MTUS2: variants seen among roughly 807,000 people sequenced by gnomAD.
MTUS2 encodes the protein microtubule-associated tumor suppressor candidate 2.
In MTUS2, 40 loss-of-function variants were observed where a neutral mutation model predicts 114.1. That is an observed-to-expected ratio of 0.35 (90% CI 0.27 to 0.46). MTUS2 has a LOEUF of 0.46. Ranked by LOEUF, MTUS2 falls within the 20% of genes least tolerant of loss-of-function variation. The probability of loss-of-function intolerance (pLI) is 1.00; values close to 1 mark genes in which losing one functional copy is unlikely to be tolerated. For missense variants in MTUS2, 1,679 were observed against 1,705.4 expected (o/e 0.98, Z 0.27); for synonymous variants, 688 against 672.0 (o/e 1.02, Z -0.37).
intron 6 of MTUS2, among the ~76,000 whole-genome samples, chr13:29,299,019 A>T (rs1899073577): frequency 6.6e-6 from 1 of 152,186 alleles, no homozygotes; most frequent in African/African-American, 2.4e-5. Flanking sequence ...GGGAAGTGGC[A>T]ATTAGTTTGG....
chr13:29,083,278 A>G (rs1429831317), intron 4 of MTUS2, among the ~76,000 whole-genome samples: 1 of 152,148 alleles, frequency 6.6e-6, no homozygotes, highest in Non-Finnish European at 1.5e-5. Context: ...GAGTGTGTCG[A>G]ATGTCGAATG....
intron 8 of MTUS2, among the ~76,000 whole-genome samples, chr13:29,366,601 T>G (rs1424380039): frequency 6.6e-6 from 1 of 152,194 alleles, no homozygotes; most frequent in Non-Finnish European, 1.5e-5. Flanking sequence ...TGCGGCCCAC[T>G]CTAAGCATAC....
chr13:29,215,735 TC>T (rs1373594930), intron 5 of MTUS2, among the ~76,000 whole-genome samples: 1 of 152,156 alleles, frequency 6.6e-6, no homozygotes, highest in African/African-American at 2.4e-5. Flanking sequence ...TGCTGCCTGT[TC>T]CTTCCTCTGG....
At chr13:28,941,922 G>C (rs1317498656) in intron 2 of MTUS2, among the ~76,000 whole-genome samples, 1 of 152,122 alleles carries the variant, frequency 6.6e-6, no homozygotes, top group East Asian at 1.9e-4. Context: ...GAGTTATGCA[G>C]ATCTTTCGTC....
chr13:29,358,497 C>A (rs1869941549), intron 7 of MTUS2, among the ~76,000 whole-genome samples: 1 of 152,180 alleles, frequency 6.6e-6, no homozygotes, highest in Non-Finnish European at 1.5e-5. Flanking sequence ...GTGTGGACTT[C>A]CTATTCATCG....
chr13:28,922,492 C>T (rs1881098021), intron 2 of MTUS2, among the ~76,000 whole-genome samples: 1 of 152,192 alleles, frequency 6.6e-6, no homozygotes. Flanking sequence ...TGCTGGAACT[C>T]TGGCTCCATT....
At chr13:28,819,980 G>T (rs1297214144), upstream of MTUS2, among the ~76,000 whole-genome samples, 1 of 147,280 alleles carries the variant, frequency 6.8e-6, no homozygotes, top group Non-Finnish European at 1.5e-5. Flanking sequence ...TCTCCGGGCG[G>T]CCGGGAGGGG....
At chr13:28,990,205 G>A (rs749205398) in intron 2 of MTUS2, among the ~76,000 whole-genome samples, 13 of 152,312 alleles carry the variant, frequency 8.5e-5, no homozygotes, top group Admixed American at 2.0e-4. Context: ...CTGGGACTTC[G>A]GAAGGAGCTG....
intron 4 of MTUS2, among the ~76,000 whole-genome samples, chr13:29,076,596 G>T (rs1889203320): frequency 6.6e-6 from 1 of 152,178 alleles, no homozygotes; most frequent in Admixed American, 6.5e-5. Flanking sequence ...CTGTTGGCAG[G>T]CCTCAGTTCC....
chr13:29,470,720 A>G (rs1048192346), intron 9 of MTUS2, among the ~76,000 whole-genome samples: 1 of 152,224 alleles, frequency 6.6e-6, no homozygotes, highest in Non-Finnish European at 1.5e-5. Context: ...GCCCTGCATG[A>G]TAAGTCCCTA....
intron 5 of MTUS2, among the ~76,000 whole-genome samples, chr13:29,141,469 G>T (rs918534830): frequency 6.6e-6 from 1 of 152,146 alleles, no homozygotes. Context: ...AATTCAGTTT[G>T]ATTGCAGCCT....
chr13:29,433,352 TA>T (rs1359913430), intron 8 of MTUS2, among the ~76,000 whole-genome samples: 1 of 152,232 alleles, frequency 6.6e-6, no homozygotes, highest in Non-Finnish European at 1.5e-5. Flanking sequence ...TGAAGAGTAT[TA>T]AATGGGAAGG....
chr13:29,243,685 A>C, intron 5 of MTUS2, among the ~76,000 whole-genome samples: 1 of 152,308 alleles, frequency 6.6e-6, no homozygotes, highest in East Asian at 1.9e-4. Context: ...GAAAATATTA[A>C]TATAAGAGAG....
chr13:29,033,741 G>C (rs1593403669), intron 3 of MTUS2, 144 bp from the exon 4 acceptor site: 1 of 900,974 alleles, frequency 1.1e-6, no homozygotes, highest in East Asian at 2.6e-5. Context: ...AAGACACTGT[G>C]GCCCGGGGAA....
At chr13:29,204,206 C>T (rs1024243132) in intron 5 of MTUS2, among the ~76,000 whole-genome samples, 49 of 152,160 alleles carry the variant, frequency 3.2e-4, no homozygotes, top group African/African-American at 1.2e-3. Context: ...GATCTGCCTG[C>T]CTCGGTCTCC....
At chr13:29,366,279 G>A (rs1214557142) in intron 8 of MTUS2, among the ~76,000 whole-genome samples, 1 of 152,178 alleles carries the variant, frequency 6.6e-6, no homozygotes, top group Non-Finnish European at 1.5e-5. Context: ...GAAGAGAAGA[G>A]AACTTGTGCA....
intron 6 of MTUS2, among the ~76,000 whole-genome samples, chr13:29,291,674 T>C (rs1898721971): frequency 1.3e-5 from 2 of 152,210 alleles, no homozygotes; most frequent in Admixed American, 1.3e-4. Context: ...CTCGCTCGTT[T>C]AGAATATGTC....
rs1268630236 is a variant in MTUS2 at position 29,024,887 on chromosome 13, A to G, written c.189A>G (p.Thr63=). Residue 63 remains threonine (T), a synonymous_variant, in exon 3 of 16, where the codon ACA becomes ACG. Transcript: ENST00000612955. ...ACCTGGGAGATGAAATTGGAAATAC[A>G]AATTCAAGTGAGCCAGAAAACCGTA... ...TCDLGDEIGN[T]NSSEPENRTH... 1.2e-6 allele frequency: 2 copies of G among 1,613,974 alleles called. No homozygotes were observed. Among genetic ancestry groups the G allele is most frequent in the Non-Finnish European group, 1.7e-6 (2 of 1,179,872 alleles).
intron 2 of MTUS2, among the ~76,000 whole-genome samples, chr13:29,022,059 A>T (rs565550726): frequency 1.3e-5 from 2 of 152,318 alleles, no homozygotes; most frequent in South Asian, 4.1e-4. Flanking sequence ...GCGCACATGC[A>T]CATGTATGAC....
Sources: allele counts gnomAD v4.1 joint callset (sites outside exome capture counted in the v4.1 genomes callset), GRCh38; gene constraint gnomAD v4.1.1; transcripts MANE v1.5; gene names NCBI Gene and HGNC (gene_info 2026-07-23, HGNC 2026-07-21).